The following DCT variants were observed in gnomAD, a reference collection of about 807,000 sequenced individuals.
DCT encodes dopachrome tautomerase, also known as L-dopachrome tautomerase.
A neutral mutation model predicts 53.0 loss-of-function variants in DCT; 47 were observed. The ratio of observed to expected loss-of-function variants is 0.89; its 90% CI spans 0.70 to 1.13. DCT has a LOEUF of 1.13. Ranked by LOEUF, DCT falls within the 50% of genes most tolerant of loss-of-function variation. DCT has a pLI of 0.00. For synonymous variants in DCT, 244 were observed against 237.0 expected, an observed-to-expected ratio of 1.03 and a Z score of -0.27; for missense variants, 669 against 637.4, an observed-to-expected ratio of 1.05 and a Z score of -0.53.
chr13:94,445,948 A>G (rs1882698389), intron 6 of DCT, among the ~76,000 whole-genome samples: 1 of 151,930 alleles, frequency 6.6e-6, no homozygotes, highest in Non-Finnish European at 1.5e-5. Flanking sequence ...TAGAGATGCC[A>G]CCCCCTTTTC....
At chr13:94,512,980 G>A in the DCT span, among the ~76,000 whole-genome samples, 1 of 152,186 alleles carries the variant, frequency 6.6e-6, no homozygotes, top group Non-Finnish European at 1.5e-5. Flanking sequence ...GGGCTTTCCA[G>A]GCAGCAGAAA....
intron 6 of DCT, among the ~76,000 whole-genome samples, chr13:94,447,826 A>C (rs562182675): frequency 2.0e-5 from 3 of 152,232 alleles, no homozygotes; most frequent in Admixed American, 1.3e-4. Flanking sequence ...CAAGGGAAAA[A>C]TGTAAATAAT....
intron 2 of DCT, chr13:94,467,810 C>A (rs1014296736): frequency 6.6e-6 from 1 of 152,098 alleles, no homozygotes; most frequent in African/African-American, 2.4e-5. Flanking sequence ...AGCTTGATGT[C>A]TTCATTCATC....
At chr13:94,445,696 G>A in intron 6 of DCT, 2 of 1,545,486 alleles carry the variant, frequency 1.3e-6, no homozygotes, top group South Asian at 2.4e-5. Flanking sequence ...AACCTGAGTA[G>A]AGCCTCCCAG....
chr13:94,456,112 C>T (rs1240422974), intron 6 of DCT, among the ~76,000 whole-genome samples: 1 of 152,210 alleles, frequency 6.6e-6, no homozygotes, highest in Non-Finnish European at 1.5e-5. Flanking sequence ...AAGCAAAGAT[C>T]GCTGTGGCGG....
the DCT span, among the ~76,000 whole-genome samples, chr13:94,510,376 C>T: frequency 6.6e-6 from 1 of 151,494 alleles, no homozygotes; most frequent in Admixed American, 6.6e-5. Flanking sequence ...GAACTGTCCA[C>T]CACAGTGACC....
At chr13:94,532,009 T>C in the DCT span, among the ~76,000 whole-genome samples, 473 of 152,288 alleles carry the variant, frequency 3.1e-3, 2 homozygotes, top group African/African-American at 0.011. Flanking sequence ...AGAAGCCATT[T>C]ATGCAGCCAA....
the DCT span, among the ~76,000 whole-genome samples, chr13:94,501,656 G>A: frequency 6.6e-6 from 1 of 151,850 alleles, no homozygotes; most frequent in Non-Finnish European, 1.5e-5. Context: ...GAGAGAGAAA[G>A]GAGAGAGAGG....
intron 7 of DCT, among the ~76,000 whole-genome samples, 176 bp from the exon 8 acceptor site, chr13:94,440,252 T>G (rs1882193730): frequency 1.3e-5 from 2 of 152,196 alleles, no homozygotes; most frequent in Non-Finnish European, 2.9e-5. Context: ...CCACAATTGT[T>G]TTTCTTGGGG....
intron 6 of DCT, among the ~76,000 whole-genome samples, chr13:94,448,728 C>T (rs1882888511): frequency 6.6e-6 from 1 of 151,986 alleles, no homozygotes; most frequent in Non-Finnish European, 1.5e-5. Flanking sequence ...TATGGTGAAA[C>T]CCCATCTCTA....
chr13:94,513,111 A>C, the DCT span, among the ~76,000 whole-genome samples: 3 of 152,358 alleles, frequency 2.0e-5, no homozygotes, highest in African/African-American at 7.2e-5. Context: ...ATTTCTCCTG[A>C]TTCACGTCTG....
In DCT at chr13:94,439,835, T is replaced by C. The variant is rs1882149327; in HGVS notation, c.*63A>G. 1.5e-6 allele frequency: 2 copies of C among 1,297,660 alleles called. No homozygotes were observed. The highest frequency in any genetic ancestry group is 2.2e-6 in the Non-Finnish European group (2 of 928,262). The allele number at this position is 1,297,660 out of a possible 1,614,324, so 80.4% of individuals were successfully genotyped here. On this transcript the variant is annotated 3_prime_UTR_variant, in exon 8 of 8. Coordinates refer to ENST00000377028, the MANE Select transcript of DCT (RefSeq NM_001922.5). The stretch of plus-strand genomic sequence containing the variant: ...AGAAGGAACAGTGAGGATTAGTTCC[T>C]TTATTGTCAGCGTCAGAACTGTGGC...
intron 6 of DCT, among the ~76,000 whole-genome samples, chr13:94,453,563 A>T (rs1883229996): frequency 6.6e-6 from 1 of 152,096 alleles, no homozygotes. Flanking sequence ...GAAAAAAGCA[A>T]TGCCCTATTG....
chr13:94,494,548 A>C, the DCT span, among the ~76,000 whole-genome samples: 1 of 152,124 alleles, frequency 6.6e-6, no homozygotes, highest in Non-Finnish European at 1.5e-5. Flanking sequence ...CAAAATTAGG[A>C]AGTAAATGTG....
At chr13:94,490,367 T>G in the DCT span, among the ~76,000 whole-genome samples, 3 of 151,674 alleles carry the variant, frequency 2.0e-5, no homozygotes, top group African/African-American at 7.3e-5. Context: ...TAGCTGGGCA[T>G]GGTGGTGCAT....
chr13:94,446,566 T>G (rs991541701), intron 6 of DCT, among the ~76,000 whole-genome samples: 4 of 152,214 alleles, frequency 2.6e-5, no homozygotes, highest in African/African-American at 7.2e-5. Context: ...TTGGTGGATA[T>G]TATTTGTTTG....
chr13:94,528,031 G>C, the DCT span, among the ~76,000 whole-genome samples: 2 of 152,144 alleles, frequency 1.3e-5, no homozygotes, highest in African/African-American at 4.8e-5. Context: ...GTGGAAGAAA[G>C]GATCTCAGTG....
chr13:94,518,096 AAG>A, the DCT span, among the ~76,000 whole-genome samples: 1 of 139,060 alleles, frequency 7.2e-6, no homozygotes, highest in African/African-American at 2.7e-5. Flanking sequence ...AAGGAAGGAG[AAG>A]GGAAACGAAG....
chr13:94,504,012 G>C, the DCT span, among the ~76,000 whole-genome samples: 1 of 152,140 alleles, frequency 6.6e-6, no homozygotes, highest in Non-Finnish European at 1.5e-5. Flanking sequence ...TTATGTTGTT[G>C]CTTGGTGAAC....
Sources: gnomAD v4.1 joint callset for allele counts (sites outside exome capture counted in the v4.1 genomes callset) on GRCh38, gnomAD v4.1.1 for gene constraint, MANE v1.5 for transcripts, NCBI Gene and HGNC (gene_info 2026-07-23, HGNC 2026-07-21) for gene names.